The following PLAC8 variants were observed in gnomAD, a reference collection of about 807,000 sequenced individuals.
PLAC8 encodes the protein placenta-specific gene 8 protein.
PLAC8 carries 6 observed loss-of-function variants against 12.6 expected under a neutral mutation model. The observed-to-expected ratio is 0.48, with a 90% CI of 0.26 to 0.94. The LOEUF is 0.94. PLAC8 is among the 40% of genes least tolerant of loss of function. The pLI is 0.14. For synonymous variants in PLAC8, 54 were observed against 52.6 expected, an observed-to-expected ratio of 1.03 and a Z score of -0.11; for missense variants, 122 against 152.7, an observed-to-expected ratio of 0.80 and a Z score of 1.06.
intron 1 of PLAC8, among the ~76,000 whole-genome samples, chr4:83,110,486 T>G (rs948520577): frequency 6.6e-6 from 1 of 152,194 alleles, no homozygotes; most frequent in African/African-American, 2.4e-5. Context: ...GAGGGTAAGC[T>G]CCACAAAGGC....
rs776954047 is a variant in PLAC8, at chr4:83,104,935, G to A, written c.204C>T (p.Val68=). The change falls in exon 3 of 5, where the codon GTC becomes GTT. Residue 68 remains valine, a synonymous_variant. Transcript: ENST00000311507. The part of the protein sequence containing the change: ...MNECCLCGTS[V]AMRTLYRTRY... ...GGGTCCTGTAGAGAGTCCTCATTGC[G>A]ACGCTTGTTCCACACAGACAGCATT... 10 of 1,613,958 alleles carry A rather than the reference G, an allele frequency of 6.2e-6. No homozygotes were observed. Among genetic ancestry groups the A allele is most frequent in the African/African-American group, 1.3e-5 (1 of 74,896 alleles).
chr4:83,098,735 G>GT (rs36075658), intron 3 of PLAC8, among the ~76,000 whole-genome samples: 44 of 150,340 alleles, frequency 2.9e-4, no homozygotes, highest in Non-Finnish European at 5.0e-4. Context: ...CAGAATAAAG[G>GT]TTTTTTTTTT....
chr4:83,100,236 G>C (rs1178802638), intron 3 of PLAC8, among the ~76,000 whole-genome samples: 2 of 142,624 alleles, frequency 1.4e-5, no homozygotes, highest in African/African-American at 5.3e-5. Flanking sequence ...AGCCAAGATC[G>C]TGCCACTGCA....
intron 4 of PLAC8, among the ~76,000 whole-genome samples, chr4:83,092,492 C>T (rs1459172272): frequency 6.6e-6 from 1 of 152,056 alleles, no homozygotes; most frequent in South Asian, 2.1e-4. Context: ...CCTCCCACCT[C>T]GGTCTCCCAA....
rs1732201712 is a variant in PLAC8, at chr4:83,104,986, C to T, written c.153G>A (p.Gly51=). The T allele has an allele frequency of 6.2e-7, 1 of 1,614,154 alleles. No individual in the cohort carries two copies. The highest frequency in any genetic ancestry group is 8.5e-7 in the Non-Finnish European group (1 of 1,180,018). The part of the protein sequence containing the change: ...LCGTFCFPCL[G]CQVAADMNEC... ...CATTCATATCAGCTGCAACTTGACA[C>T]CCAAGGCACGGGAAACAAAATGTGC... The change falls in exon 3 of 5, where the codon GGG becomes GGA. Residue 51 remains glycine (G), a synonymous_variant. Transcript: ENST00000311507.
intron 2 of PLAC8, among the ~76,000 whole-genome samples, chr4:83,106,793 T>G (rs957806915): frequency 6.6e-6 from 1 of 152,242 alleles, no homozygotes; most frequent in African/African-American, 2.4e-5. Flanking sequence ...TTGGTCATTA[T>G]TGAGAACTAA....
At chr4:83,113,246 T>G (rs561974764) in intron 1 of PLAC8, among the ~76,000 whole-genome samples, 15 of 152,286 alleles carry the variant, frequency 9.8e-5, no homozygotes, top group African/African-American at 3.6e-4. Flanking sequence ...ACGTAGCTGC[T>G]TCGGTGAGAA....
At chr4:83,100,265 A>T (rs1309463356) in intron 3 of PLAC8, among the ~76,000 whole-genome samples, 1 of 143,272 alleles carries the variant, frequency 7.0e-6, no homozygotes, top group African/African-American at 2.7e-5. Flanking sequence ...TGGGTGACAG[A>T]GCGAGACTCC....
At chr4:83,092,091 T>G (rs1192404754) in intron 4 of PLAC8, among the ~76,000 whole-genome samples, 1 of 152,162 alleles carries the variant, frequency 6.6e-6, no homozygotes, top group African/African-American at 2.4e-5. Flanking sequence ...AAAGTTTTAT[T>G]GCCAGTGAGT....
intron 3 of PLAC8, among the ~76,000 whole-genome samples, chr4:83,098,846 C>T (rs1732014463): frequency 6.6e-6 from 1 of 151,750 alleles, no homozygotes; most frequent in African/African-American, 2.4e-5. Flanking sequence ...ATTTGACAAG[C>T]TTTCCAAAAT....
chr4:83,095,583 G>A (rs1731905063), intron 3 of PLAC8, among the ~76,000 whole-genome samples: 1 of 152,174 alleles, frequency 6.6e-6, no homozygotes, highest in Non-Finnish European at 1.5e-5. Flanking sequence ...GAAAGGGGTA[G>A]GGGGAGAGGG....
intron 3 of PLAC8, among the ~76,000 whole-genome samples, chr4:83,100,480 C>T (rs1467207333): frequency 4.5e-5 from 3 of 66,122 alleles, no homozygotes; most frequent in Non-Finnish European, 9.5e-5. Flanking sequence ...ATTACCCAGT[C>T]TCAGGTACTT....
chr4:83,094,535 C>A, intron 4 of PLAC8, 143 bp downstream of exon 4: 1 of 569,306 alleles, frequency 1.8e-6, no homozygotes, highest in East Asian at 3.4e-5. Flanking sequence ...AAATTAAAGC[C>A]AATCTTGATA....
At chr4:83,097,704 G>A (rs1731975674) in intron 3 of PLAC8, among the ~76,000 whole-genome samples, 1 of 152,116 alleles carries the variant, frequency 6.6e-6, no homozygotes. Context: ...AAAAATAAAA[G>A]TTGCTAAGAG....
intron 3 of PLAC8, among the ~76,000 whole-genome samples, chr4:83,101,281 G>A (rs895361398): frequency 6.6e-6 from 1 of 152,230 alleles, no homozygotes; most frequent in Non-Finnish European, 1.5e-5. Context: ...TGGCGAGGCT[G>A]AGGCAGGAGA....
chr4:83,097,376 C>T (rs1164702416), intron 3 of PLAC8, among the ~76,000 whole-genome samples: 1 of 152,022 alleles, frequency 6.6e-6, no homozygotes, highest in Non-Finnish European at 1.5e-5. Context: ...GTTCACATGG[C>T]TTTAGTAATC....
chr4:83,109,618 A>T (rs1330818793), intron 1 of PLAC8: 1 of 146,648 alleles, frequency 6.8e-6, no homozygotes, highest in Non-Finnish European at 1.5e-5. Flanking sequence ...GGCCTCTTCC[A>T]GGGAGGAGGA....
chr4:83,103,859 G>A (rs890232724), intron 3 of PLAC8, among the ~76,000 whole-genome samples: 6 of 152,080 alleles, frequency 3.9e-5, no homozygotes, highest in African/African-American at 2.4e-5. Context: ...AGTAGACAGG[G>A]GTTTCACCAT....
chr4:83,098,738 T>G (rs898182085), intron 3 of PLAC8, among the ~76,000 whole-genome samples: 95 of 33,448 alleles, frequency 2.8e-3, no homozygotes, highest in African/African-American at 5.7e-3. Context: ...AATAAAGGTT[T>G]TTTTTTTTTT....
Sources: gnomAD v4.1 joint callset for allele counts (sites outside exome capture counted in the v4.1 genomes callset) on GRCh38, gnomAD v4.1.1 for gene constraint, MANE v1.5 for transcripts, NCBI Gene and HGNC (gene_info 2026-07-23, HGNC 2026-07-21) for gene names.